The following MTSS1 variants were observed in gnomAD, a reference collection of about 807,000 sequenced individuals.
The protein encoded by MTSS1 is protein MTSS 1.
MTSS1 carries 18 observed loss-of-function variants against 79.0 expected under a neutral mutation model. The observed-to-expected ratio is 0.23, with a 90% CI of 0.16 to 0.34. MTSS1 has a LOEUF of 0.34. Among genes scored for constraint, MTSS1 ranks in the 10% least tolerant of loss-of-function variants. The pLI is 1.00. For synonymous variants in MTSS1, 341 were observed against 368.6 expected (o/e 0.93, Z 0.86); for missense variants, 815 against 986.2 (o/e 0.83, Z 2.33).
At position 124,594,387 on chromosome 8, in the gene MTSS1, C is replaced by T. The variant is rs1056884899; in HGVS notation, c.209-3152G>A. On this transcript the variant is annotated intron_variant, in intron 3 of 13. Coordinates refer to ENST00000518547, the MANE Select transcript of MTSS1 (RefSeq NM_014751.6). ...CTCTACTAAAAATACAAAAATCAGC[C>T]AGGTGTGGTGGCACATGCTTGTAAT... 3.3e-5 allele frequency among the ~76,000 whole-genome samples: 5 copies of T among 152,126 alleles called. No individual in the cohort carries two copies. In the East Asian group the frequency reaches 7.7e-4, roughly 23 times the overall value.
At chr8:124,595,702 C>T (rs1832638673) in intron 3 of MTSS1, among the ~76,000 whole-genome samples, 1 of 152,162 alleles carries the variant, frequency 6.6e-6, no homozygotes, top group South Asian at 2.1e-4. Context: ...TGGCCACGTA[C>T]AGTAACATTC....
At chr8:124,670,435 G>A (rs1273609964) in intron 3 of MTSS1, among the ~76,000 whole-genome samples, 1 of 130,962 alleles carries the variant, frequency 7.6e-6, no homozygotes, top group East Asian at 2.5e-4. Context: ...ACAGCCTGGC[G>A]GCACCCCACA....
intron 3 of MTSS1, among the ~76,000 whole-genome samples, chr8:124,591,930 G>GC (rs1246665906): frequency 1.3e-5 from 2 of 150,708 alleles, no homozygotes; most frequent in African/African-American, 4.9e-5. Context: ...ACAGGCACGT[G>GC]CCACCACACC....
At chr8:124,670,365 TCAGGCGGGCGGCACCCCACA>T (rs1426333143) in intron 3 of MTSS1, among the ~76,000 whole-genome samples, 1 of 136,918 alleles carries the variant, frequency 7.3e-6, no homozygotes, top group African/African-American at 2.6e-5. Context: ...GAGATTACAC[TCAGGCGGGCGGCACCCCACA>T]CAGCCTGGCG....
At position 124,714,913 on chromosome 8, in the gene MTSS1, T is replaced by C. The variant is rs1441677973; in HGVS notation, c.73-10722A>G. Reference sequence around the variant, plus strand: ...CCTAGCATTTGTATAAGCTTAATCCTCCCCAGAATAATACATATCTACCCT... The same window carrying C: ...CCTAGCATTTGTATAAGCTTAATCCCCCCCAGAATAATACATATCTACCCT... On this transcript the variant is annotated intron_variant, in intron 1 of 13. Coordinates refer to ENST00000518547, the MANE Select transcript of MTSS1 (RefSeq NM_014751.6). 2.0e-5 allele frequency among the ~76,000 whole-genome samples: 3 copies of C among 152,166 alleles called. No individual in the cohort carries two copies. In the East Asian group the frequency reaches 5.8e-4, roughly 29 times the overall value.
In MTSS1 at chr8:124,728,009, C is replaced by A; in HGVS notation, c.-54G>T. 1.3e-6 allele frequency: 2 copies of A among 1,518,162 alleles called. No individual in the cohort carries two copies. Among genetic ancestry groups the A allele is most frequent in the Non-Finnish European group, 1.8e-6 (2 of 1,102,382 alleles). 94.0% of individuals were successfully genotyped at this position (1,518,162 alleles called of 1,614,324 possible). ...ACACGCGGGGCCGCTGGACTGCGCG[C>A]GGGGCCGGGGCTCGCTCACCCCAGA... On this transcript the variant is annotated 5_prime_UTR_variant, in exon 1 of 14. Transcript: ENST00000518547. The surrounding 1 kb of genome is among the most constrained non-coding windows in gnomAD (Gnocchi z 6.1).
chr8:124,618,163 T>C (rs930842130), intron 3 of MTSS1, among the ~76,000 whole-genome samples: 2 of 152,170 alleles, frequency 1.3e-5, no homozygotes, highest in African/African-American at 4.8e-5. Flanking sequence ...GGATTTCAAA[T>C]GAGGTCATGT....
intron 3 of MTSS1, among the ~76,000 whole-genome samples, chr8:124,647,517 A>G (rs1819211839): frequency 6.6e-6 from 1 of 152,130 alleles, no homozygotes; most frequent in Non-Finnish European, 1.5e-5. Context: ...ACCATGCTAT[A>G]CAATAGATCT....
At chr8:124,607,577 AAGC>A (rs1396275566) in intron 3 of MTSS1, among the ~76,000 whole-genome samples, 1 of 152,178 alleles carries the variant, frequency 6.6e-6, no homozygotes, top group African/African-American at 2.4e-5. Flanking sequence ...GCAGGAGAGA[AAGC>A]AGCACCGTGA....
At chr8:124,711,040 T>C (rs998689258) in intron 1 of MTSS1, among the ~76,000 whole-genome samples, 1 of 152,170 alleles carries the variant, frequency 6.6e-6, no homozygotes, top group African/African-American at 2.4e-5. Context: ...CCGTGGGGTA[T>C]ATGACCAGCC....
rs751829788 is a variant in MTSS1, at chr8:124,556,167, G to A, written c.1404+65C>T. ...GGCTGCCTTGGCCCCCCAGTTGCTG[G>A]CCAGAATGTGATCCCCAGCCAGGCT... On this transcript the variant is annotated intron_variant, in intron 12 of 13. Transcript: ENST00000518547. 6 of 1,608,876 alleles carry A rather than the reference G, an allele frequency of 3.7e-6. No homozygotes were observed. The Admixed American group carries it at 6.7e-5, about 18-fold the overall frequency.
intron 10 of MTSS1, 69 bp from the exon 11 acceptor site, chr8:124,557,944 C>G (rs552195413): frequency 8.0e-7 from 1 of 1,252,214 alleles, no homozygotes; most frequent in South Asian, 1.4e-5. Context: ...TGCGGAGATA[C>G]AAAATGGCAT....
chr8:124,589,729 G>T lies in MTSS1; in HGVS notation c.294-18C>A. 1 of 1,523,538 alleles carries T rather than the reference G, an allele frequency of 6.6e-7. No individual in the cohort carries two copies. The highest frequency in any genetic ancestry group is 9.0e-7 in the Non-Finnish European group (1 of 1,105,194). The allele number at this position is 1,523,538 out of a possible 1,614,324, so 94.4% of individuals were successfully genotyped here. On this transcript the variant is annotated intron_variant, in intron 4 of 13. Transcript: ENST00000518547. Reference sequence around the variant, plus strand: ...TTAAAGCGCTTTTACCAAGCGGGGGGGAAAAAGGGAGAAATTAAATAGATA... The same window carrying T: ...TTAAAGCGCTTTTACCAAGCGGGGGTGAAAAAGGGAGAAATTAAATAGATA...
At chr8:124,562,683 G>A (rs981389758) in intron 10 of MTSS1, 99 bp downstream of exon 10, 4 of 1,155,100 alleles carry the variant, frequency 3.5e-6, no homozygotes, top group African/African-American at 3.1e-5. Flanking sequence ...TCAGTGGGCA[G>A]GGGATTGTCT....
intron 10 of MTSS1, chr8:124,558,632 C>G (rs1200099873): frequency 7.0e-7 from 1 of 1,429,898 alleles, no homozygotes; most frequent in African/African-American, 1.4e-5. Context: ...TCCAGGTTGC[C>G]GCGGCTGTGA....
intron 3 of MTSS1, among the ~76,000 whole-genome samples, chr8:124,615,521 A>G (rs1159523601): frequency 1.3e-5 from 2 of 152,138 alleles, no homozygotes; most frequent in Non-Finnish European, 2.9e-5. Flanking sequence ...GCAGAATCAC[A>G]CTCACAGAAA....
At chr8:124,612,264 G>A (rs1053042076) in intron 3 of MTSS1, among the ~76,000 whole-genome samples, 2 of 152,198 alleles carry the variant, frequency 1.3e-5, no homozygotes, top group Non-Finnish European at 2.9e-5. Flanking sequence ...GCAATGGCAG[G>A]AGCAGACACA....
chr8:124,710,209 G>C (rs571698417), intron 1 of MTSS1, among the ~76,000 whole-genome samples: 1 of 152,318 alleles, frequency 6.6e-6, no homozygotes, highest in Non-Finnish European at 1.5e-5. Flanking sequence ...ACCCAGGGTG[G>C]GGACTTGGGA....
At chr8:124,633,997 A>G (rs1044019564) in intron 3 of MTSS1, among the ~76,000 whole-genome samples, 1 of 152,206 alleles carries the variant, frequency 6.6e-6, no homozygotes, top group Non-Finnish European at 1.5e-5. Flanking sequence ...AAATTTATGT[A>G]TCAAAGTATA....
Sources: allele counts gnomAD v4.1 joint callset (sites outside exome capture counted in the v4.1 genomes callset), GRCh38; gene constraint gnomAD v4.1.1; non-coding constraint Gnocchi (gnomAD v3.1); transcripts MANE v1.5; gene names NCBI Gene and HGNC (gene_info 2026-07-23, HGNC 2026-07-21).